Variants in PLA2G4A observed in about 807,000 individuals in gnomAD.
PLA2G4A encodes the protein cytosolic phospholipase A2.
Under a neutral mutation model 81.9 loss-of-function variants are expected in PLA2G4A, and 40 were observed. That is an observed-to-expected ratio of 0.49 (90% confidence interval 0.38 to 0.64). The LOEUF (loss-of-function observed/expected upper bound fraction) is 0.64, where lower values mean the gene tolerates loss of function less well. PLA2G4A is among the 30% of genes least tolerant of loss of function. The probability of loss-of-function intolerance (pLI) is 0.00; values close to 1 mark genes in which losing one functional copy is unlikely to be tolerated. For missense variants in PLA2G4A, 715 were observed against 905.1 expected (o/e 0.79, Z 2.69); for synonymous variants, 302 against 296.9 (o/e 1.02, Z -0.18).
At position 186,911,333 on chromosome 1, in the gene PLA2G4A, A is replaced by T; in HGVS notation, c.502A>T (p.Ser168Cys). ...ACAGAGAAAAGAACACATAAGGGAG[A>T]GCATGAAGAAACTCTTGGGTCCAAA... The part of the protein sequence containing the change: ...RQQRKEHIRE[S>C]MKKLLGPKNS... The change falls in exon 7 of 18, where the codon AGC becomes TGC. Residue 168 changes from serine (S) to cysteine (C), a missense_variant. By Grantham distance (112) the Ser-to-Cys change is moderately radical. Transcript: ENST00000367466. 1 of 1,609,928 alleles carries T rather than the reference A, an allele frequency of 6.2e-7. No individual in the cohort carries two copies. Among genetic ancestry groups the T allele is most frequent in the Non-Finnish European group, 8.5e-7 (1 of 1,176,124 alleles).
chr1:186,855,738 CTATT>C (rs1369234221), intron 2 of PLA2G4A, among the ~76,000 whole-genome samples: 1 of 152,030 alleles, frequency 6.6e-6, no homozygotes, highest in Non-Finnish European at 1.5e-5. Flanking sequence ...ATGTCACAAG[CTATT>C]TATTTAATCT....
intron 2 of PLA2G4A, among the ~76,000 whole-genome samples, chr1:186,866,597 A>G (rs1286997150): frequency 1.3e-5 from 2 of 152,158 alleles, no homozygotes; most frequent in Non-Finnish European, 2.9e-5. Context: ...CATGTTATTA[A>G]TAACATTTAG....
chr1:186,850,926 T>C (rs543887811), intron 1 of PLA2G4A, among the ~76,000 whole-genome samples: 1 of 152,208 alleles, frequency 6.6e-6, no homozygotes, highest in South Asian at 2.1e-4. Context: ...ACAACAATAA[T>C]TACTACAGAT....
chr1:186,956,182 G>T lies in PLA2G4A; in HGVS notation c.1417G>T (p.Val473Leu). The T allele has an allele frequency of 6.2e-7, 1 of 1,613,862 alleles. No homozygotes were observed. Among genetic ancestry groups the T allele is most frequent in the Non-Finnish European group, 8.5e-7 (1 of 1,179,786 alleles). The change falls in exon 14 of 18, where the codon GTG becomes TTG. Residue 473 changes from valine (V) to leucine (L), a missense_variant. By Grantham distance (32) the Val-to-Leu change is conservative. Transcript: ENST00000367466. ...GATTCATCGTATGATAATGGCCTTG[G>T]TGAGTGATTCAGCTTTATTCAATAC... Reference protein sequence around the residue: ...SWIHRMIMALVSDSALFNTRE... With the variant: ...SWIHRMIMALLSDSALFNTRE...
At chr1:186,956,077 A>G in intron 13 of PLA2G4A, 25 bp from the exon 14 acceptor site, 4 of 1,607,468 alleles carry the variant, frequency 2.5e-6, no homozygotes, top group Non-Finnish European at 3.4e-6. Context: ...TGGAGTCTGT[A>G]TGGTGACCTT....
chr1:186,880,930 A>T (rs2102080533), intron 3 of PLA2G4A, among the ~76,000 whole-genome samples: 1 of 152,132 alleles, frequency 6.6e-6, no homozygotes, highest in East Asian at 1.9e-4. Flanking sequence ...TCTGTTTTAG[A>T]TCTACATTTA....
intron 14 of PLA2G4A, among the ~76,000 whole-genome samples, chr1:186,964,583 T>G (rs1237961340): frequency 2.0e-5 from 3 of 152,220 alleles, no homozygotes; most frequent in South Asian, 2.1e-4. Flanking sequence ...TTCCGTATCA[T>G]TATTCTTATT....
At chr1:186,869,922 A>G (rs1040465776) in intron 2 of PLA2G4A, among the ~76,000 whole-genome samples, 2 of 152,210 alleles carry the variant, frequency 1.3e-5, no homozygotes, top group Non-Finnish European at 2.9e-5. Context: ...ATTCTTGCAT[A>G]TGATTTCTAA....
intron 7 of PLA2G4A, among the ~76,000 whole-genome samples, chr1:186,923,352 C>G (rs1655432251): frequency 6.6e-6 from 1 of 152,132 alleles, no homozygotes; most frequent in Non-Finnish European, 1.5e-5. Context: ...TTTTCGGTAG[C>G]AATTCTACAA....
intron 7 of PLA2G4A, among the ~76,000 whole-genome samples, chr1:186,915,690 CCAGTCCCAGTGG>C (rs1655111596): frequency 6.6e-6 from 1 of 152,052 alleles, no homozygotes. Context: ...TGGGGGCTGT[CCAGTCCCAGTGG>C]GACTCCGGGT....
intron 7 of PLA2G4A, among the ~76,000 whole-genome samples, chr1:186,925,746 T>C (rs138326681): frequency 2.1e-4 from 32 of 152,356 alleles, no homozygotes; most frequent in African/African-American, 7.0e-4. Flanking sequence ...TTATGGCATA[T>C]ATGAACATTC....
chr1:186,903,914 C>A (rs1654639109), intron 5 of PLA2G4A, among the ~76,000 whole-genome samples: 1 of 152,178 alleles, frequency 6.6e-6, no homozygotes, highest in Non-Finnish European at 1.5e-5. Flanking sequence ...CAAAACCGGT[C>A]CCTGGTGCCA....
intron 8 of PLA2G4A, among the ~76,000 whole-genome samples, chr1:186,934,459 T>TACACACAC (rs1435890369): frequency 7.1e-5 from 9 of 126,928 alleles, no homozygotes; most frequent in African/African-American, 2.9e-4. Context: ...TATATATATA[T>TACACACAC]ATATACATAC....
chr1:186,907,231 A>C (rs1047032585), intron 6 of PLA2G4A, among the ~76,000 whole-genome samples: 2 of 152,110 alleles, frequency 1.3e-5, no homozygotes, highest in African/African-American at 4.8e-5. Flanking sequence ...TTTTTCCAAT[A>C]GTTTCATGGT....
At chr1:186,868,125 G>T (rs928740145) in intron 2 of PLA2G4A, among the ~76,000 whole-genome samples, 1 of 146,080 alleles carries the variant, frequency 6.8e-6, no homozygotes, top group East Asian at 2.0e-4. Flanking sequence ...TCCCAGGCTG[G>T]AGTGCAATGG....
At chr1:186,842,925 T>C (rs1193281332) in intron 1 of PLA2G4A, among the ~76,000 whole-genome samples, 7 of 152,250 alleles carry the variant, frequency 4.6e-5, no homozygotes, top group Non-Finnish European at 8.8e-5. Context: ...TTGCTTATTG[T>C]ATAATTTCTC....
At chr1:186,849,059 T>G (rs1289332649) in intron 1 of PLA2G4A, among the ~76,000 whole-genome samples, 1 of 152,106 alleles carries the variant, frequency 6.6e-6, no homozygotes, top group Non-Finnish European at 1.5e-5. Flanking sequence ...TTTTTTTAAA[T>G]AAATAGAGAG....
chr1:186,918,366 CT>C (rs149570532), intron 7 of PLA2G4A, among the ~76,000 whole-genome samples: 7,061 of 152,192 alleles, frequency 0.046, 218 homozygotes, highest in Middle Eastern at 0.1. Flanking sequence ...TTAACAGGCC[CT>C]TTTCCTTATA....
chr1:186,906,599 A>G (rs1342782652), intron 5 of PLA2G4A, among the ~76,000 whole-genome samples: 1 of 152,228 alleles, frequency 6.6e-6, no homozygotes, highest in African/African-American at 2.4e-5. Flanking sequence ...GGCCTGAGGC[A>G]GCTCCTAAAT....
Sources: allele counts gnomAD v4.1 joint callset (sites outside exome capture counted in the v4.1 genomes callset), GRCh38; gene constraint gnomAD v4.1.1; transcripts MANE v1.5; gene names NCBI Gene and HGNC (gene_info 2026-07-23, HGNC 2026-07-21).